Variants in SMARCAL1 observed in about 807,000 individuals in gnomAD.
The protein encoded by SMARCAL1 is ATP-driven annealing helicase.
Under a neutral mutation model 94.5 loss-of-function variants are expected in SMARCAL1, and 58 were observed. That is an observed-to-expected ratio of 0.61 (90% CI 0.50 to 0.76). The LOEUF (loss-of-function observed/expected upper bound fraction) is 0.76, where lower values mean the gene tolerates loss of function less well. Among genes scored for constraint, SMARCAL1 ranks in the 30% least tolerant of loss-of-function variants. The pLI is 0.00. For synonymous variants in SMARCAL1, 422 were observed against 455.1 expected, an observed-to-expected ratio of 0.93 and a Z score of 0.93; for missense variants, 1,051 against 1,177.9, an observed-to-expected ratio of 0.89 and a Z score of 1.58.
intron 10 of SMARCAL1, among the ~76,000 whole-genome samples, chr2:216,439,079 G>T (rs1694142191): frequency 6.6e-6 from 1 of 152,186 alleles, no homozygotes; most frequent in South Asian, 2.1e-4. Context: ...AGCCTCTTTG[G>T]TTGACAGAAG....
chr2:216,478,449 A>G, intron 17 of SMARCAL1, 150 bp downstream of exon 17: 1 of 722,052 alleles, frequency 1.4e-6, no homozygotes, highest in Non-Finnish European at 2.5e-6. Flanking sequence ...AGTCATTCTC[A>G]GTTGAACCAT....
intron 10 of SMARCAL1, among the ~76,000 whole-genome samples, chr2:216,443,426 A>G (rs936390843): frequency 1.3e-5 from 2 of 151,120 alleles, no homozygotes; most frequent in African/African-American, 4.9e-5. Flanking sequence ...TAATTATACC[A>G]TTTGATATAT....
At chr2:216,434,281 G>A (rs1056627960) in intron 8 of SMARCAL1, among the ~76,000 whole-genome samples, 3 of 152,176 alleles carry the variant, frequency 2.0e-5, no homozygotes, top group African/African-American at 4.8e-5. Flanking sequence ...TGTGAGGCAG[G>A]TGAGCACCCA....
At chr2:216,446,644 C>T (rs1442157355) in intron 10 of SMARCAL1, 3 of 464,908 alleles carry the variant, frequency 6.5e-6, no homozygotes, top group Non-Finnish European at 1.3e-5. Context: ...AATTAGCTTC[C>T]TTGTGAATTT....
chr2:216,457,062 A>T (rs1694583084), intron 12 of SMARCAL1, among the ~76,000 whole-genome samples: 1 of 152,224 alleles, frequency 6.6e-6, no homozygotes, highest in South Asian at 2.1e-4. Flanking sequence ...AATAAAACAG[A>T]CTTTAAACCA....
intron 9 of SMARCAL1, among the ~76,000 whole-genome samples, chr2:216,437,900 G>A (rs181061815): frequency 2.8e-4 from 42 of 152,204 alleles, no homozygotes; most frequent in African/African-American, 9.4e-4. Context: ...TCTTCTTTCC[G>A]TCTCTCAGTT....
chr2:216,461,707 G>A (rs1470075466), intron 12 of SMARCAL1, among the ~76,000 whole-genome samples: 3 of 152,016 alleles, frequency 2.0e-5, no homozygotes, highest in Admixed American at 1.3e-4. Flanking sequence ...GTGTGTACCT[G>A]TAGTCCCAGC....
At chr2:216,453,931 T>G (rs962938862) in intron 12 of SMARCAL1, among the ~76,000 whole-genome samples, 3 of 152,206 alleles carry the variant, frequency 2.0e-5, no homozygotes, top group African/African-American at 4.8e-5. Context: ...ATCAAAGACT[T>G]TTCTCATTTT....
At chr2:216,423,883 G>A (rs1382917120) in intron 6 of SMARCAL1, among the ~76,000 whole-genome samples, 200 bp downstream of exon 6, 3 of 152,122 alleles carry the variant, frequency 2.0e-5, no homozygotes, top group Non-Finnish European at 4.4e-5. Flanking sequence ...GACAAATGCC[G>A]GGCCTCTTCT....
intron 14 of SMARCAL1, among the ~76,000 whole-genome samples, chr2:216,470,843 A>C: frequency 1.7e-5 from 1 of 59,718 alleles, no homozygotes; most frequent in African/African-American, 4.5e-5. Flanking sequence ...CATCTCAAAA[A>C]AAAAAAAAAA....
intron 17 of SMARCAL1, among the ~76,000 whole-genome samples, chr2:216,480,746 G>A (rs1695177243): frequency 6.6e-6 from 1 of 152,146 alleles, no homozygotes; most frequent in Non-Finnish European, 1.5e-5. Flanking sequence ...GAATAGTGAG[G>A]AACAGTGGCC....
rs913974295 is a variant in SMARCAL1, at chr2:216,414,902, C to T, written c.198C>T (p.Ser66=). Residue 66 remains serine, a synonymous_variant, in exon 3 of 18, where the codon AGC becomes AGT. Coordinates refer to ENST00000357276, the MANE Select transcript of SMARCAL1 (RefSeq NM_014140.4). ...NFPRESCKPV[S]HGVIFKQQNL... is the part of the protein sequence containing the mutation. ...CAAGGGAGTCTTGTAAGCCAGTGAG[C>T]CATGGTGTCATTTTCAAGCAACAGA... is the stretch of plus-strand genomic sequence containing the variant. The T allele has an allele frequency of 1.9e-6, 3 of 1,614,206 alleles. No homozygotes were observed. The highest frequency in any genetic ancestry group is 2.2e-5 in the East Asian group (1 of 44,884).
chr2:216,481,572 T>A (rs1410232206), intron 17 of SMARCAL1, among the ~76,000 whole-genome samples: 1 of 152,038 alleles, frequency 6.6e-6, no homozygotes, highest in Non-Finnish European at 1.5e-5. Context: ...GGCGTGATGA[T>A]GGCTCACTGC....
chr2:216,447,767 C>T (rs1021736127), intron 11 of SMARCAL1, among the ~76,000 whole-genome samples: 1 of 152,206 alleles, frequency 6.6e-6, no homozygotes, highest in Non-Finnish European at 1.5e-5. Flanking sequence ...GGCGCAGGCA[C>T]CTCAGGACCT....
intron 16 of SMARCAL1, 64 bp from the exon 17 acceptor site, chr2:216,478,139 C>A (rs1398121855): frequency 7.7e-7 from 1 of 1,301,280 alleles, no homozygotes; most frequent in Non-Finnish European, 1.1e-6. Flanking sequence ...AGGGTGGCCT[C>A]ATTTTCATTA....
At chr2:216,437,889 G>A (rs377150871) in intron 9 of SMARCAL1, among the ~76,000 whole-genome samples, 2 of 152,108 alleles carry the variant, frequency 1.3e-5, no homozygotes, top group South Asian at 2.1e-4. Context: ...GAATCATATC[G>A]TCTTCTTTCC....
chr2:216,476,509 C>G (rs1332155947), intron 15 of SMARCAL1, among the ~76,000 whole-genome samples: 1 of 152,078 alleles, frequency 6.6e-6, no homozygotes, highest in African/African-American at 2.4e-5. Context: ...GATGGGGTTT[C>G]ACCATGTTGC....
chr2:216,437,411 T>C (rs1418506515), intron 9 of SMARCAL1, among the ~76,000 whole-genome samples: 1 of 152,158 alleles, frequency 6.6e-6, no homozygotes, highest in Non-Finnish European at 1.5e-5. Context: ...TGAAATGGAA[T>C]AGGGGATTTC....
In SMARCAL1 at chr2:216,439,296, G is replaced by A. The variant is rs1454816288; in HGVS notation, c.1710+811G>A. On this transcript the variant is annotated intron_variant, in intron 10 of 17. Coordinates refer to ENST00000357276, the MANE Select transcript of SMARCAL1 (RefSeq NM_014140.4). ...TTTCTTAGTCCCCCATCCCAACAGAGGGTAGTCCTCCAAATTTCCTTCCAT... is the reference window on the plus strand; with the variant it reads ...TTTCTTAGTCCCCCATCCCAACAGAAGGTAGTCCTCCAAATTTCCTTCCAT... Among the ~76,000 whole-genome samples the A allele has an allele frequency of 2.0e-5, 3 of 150,146 alleles. No homozygotes were observed. The Admixed American group carries it at 2.0e-4, about 10-fold the overall frequency.
Sources: gnomAD v4.1 joint callset for allele counts (sites outside exome capture counted in the v4.1 genomes callset) on GRCh38, gnomAD v4.1.1 for gene constraint, MANE v1.5 for transcripts, NCBI Gene and HGNC (gene_info 2026-07-23, HGNC 2026-07-21) for gene names.